Variants in GPHN observed in about 807,000 individuals in gnomAD.
GPHN encodes the protein gephyrin.
In GPHN, 17 loss-of-function variants were observed where a neutral mutation model predicts 95.5. The observed-to-expected ratio is 0.18, with a 90% CI of 0.12 to 0.27. The LOEUF is 0.27. Among genes scored for constraint, GPHN ranks in the 10% least tolerant of loss-of-function variants. GPHN has a pLI of 1.00. For missense variants in GPHN, 660 were observed against 978.1 expected (o/e 0.67, Z 4.34); for synonymous variants, 320 against 322.5 (o/e 0.99, Z 0.08).
chr14:67,200,769 AT>A, the GPHN span, among the ~76,000 whole-genome samples: 1 of 152,006 alleles, frequency 6.6e-6, no homozygotes, highest in Non-Finnish European at 1.5e-5. Context: ...TAATGTTTTC[AT>A]TTTTTCACCT....
At chr14:67,264,309 A>T in the GPHN span, among the ~76,000 whole-genome samples, 2 of 152,222 alleles carry the variant, frequency 1.3e-5, no homozygotes, top group African/African-American at 4.8e-5. Flanking sequence ...AGTGTTGAGT[A>T]CATAGTGAGA....
intron 1 of GPHN, among the ~76,000 whole-genome samples, chr14:66,547,965 G>A (rs2059661337): frequency 6.6e-6 from 1 of 152,008 alleles, no homozygotes; most frequent in Admixed American, 6.6e-5. Flanking sequence ...CTTTGTTTTA[G>A]TTCACCTCAT....
the GPHN span, chr14:67,412,127 C>T: frequency 7.5e-7 from 1 of 1,334,458 alleles, no homozygotes; most frequent in African/African-American, 1.5e-5. Flanking sequence ...TCGGCACCCG[C>T]GCAGCCCGCG....
intron 2 of GPHN, among the ~76,000 whole-genome samples, chr14:66,711,905 G>A (rs1307166118): frequency 6.6e-6 from 1 of 152,040 alleles, no homozygotes; most frequent in African/African-American, 2.4e-5. Flanking sequence ...CCATGTCCCT[G>A]CAAAGGACAT....
At chr14:67,615,837 G>GCCTGTCCA in the GPHN span, 11 of 619,450 alleles carry the variant, frequency 1.8e-5, no homozygotes, top group Non-Finnish European at 3.3e-5. Flanking sequence ...GAACATTCTG[G>GCCTGTCCA]CCTGTCCATT....
the GPHN span, chr14:67,353,062 T>C: frequency 6.4e-7 from 1 of 1,551,480 alleles, no homozygotes; most frequent in Non-Finnish European, 8.8e-7. Context: ...TAAACAAAGT[T>C]AAGACATCTA....
intron 2 of GPHN, among the ~76,000 whole-genome samples, chr14:66,750,939 G>T (rs1362110408): frequency 6.6e-6 from 1 of 151,838 alleles, no homozygotes. Flanking sequence ...TTCTAATTTT[G>T]TTGGGCTTGG....
intron 1 of GPHN, among the ~76,000 whole-genome samples, chr14:66,674,972 A>G (rs543131624): frequency 6.6e-6 from 1 of 152,268 alleles, no homozygotes; most frequent in South Asian, 2.1e-4. Flanking sequence ...CGTCGTCACC[A>G]GCATATGTTA....
intron 1 of GPHN, among the ~76,000 whole-genome samples, chr14:66,644,805 C>G (rs1188339496): frequency 6.6e-6 from 1 of 152,066 alleles, no homozygotes; most frequent in Non-Finnish European, 1.5e-5. Flanking sequence ...AATTCAGTCA[C>G]TAACTAAACA....
chr14:67,301,596 A>G, the GPHN span: 1 of 512,470 alleles, frequency 2.0e-6, no homozygotes, highest in Non-Finnish European at 3.3e-6. Context: ...AACCCCATCT[A>G]TAACATAGTA....
the GPHN span, among the ~76,000 whole-genome samples, chr14:67,319,628 A>T: frequency 6.6e-6 from 1 of 151,540 alleles, no homozygotes; most frequent in Non-Finnish European, 1.5e-5. Flanking sequence ...AAAAAAAAAA[A>T]ATTGCAAAAC....
intron 2 of GPHN, among the ~76,000 whole-genome samples, chr14:66,698,115 T>C (rs2068237248): frequency 6.6e-6 from 1 of 152,206 alleles, no homozygotes; most frequent in Admixed American, 6.5e-5. Context: ...CAAATAGTTA[T>C]TTAAATAATA....
intron 1 of GPHN, among the ~76,000 whole-genome samples, chr14:66,628,790 T>A (rs2063618745): frequency 6.6e-6 from 1 of 151,998 alleles, no homozygotes; most frequent in Admixed American, 6.6e-5. Context: ...GGCAGGCATG[T>A]GGCTCACAGC....
At chr14:66,970,085 GTTTTT>G (rs76967963) in intron 9 of GPHN, among the ~76,000 whole-genome samples, 2 of 99,038 alleles carry the variant, frequency 2.0e-5, no homozygotes, top group Non-Finnish European at 2.2e-5. Context: ...AGCAAGTTGT[GTTTTT>G]TTTTTTTTTT....
chr14:67,224,636 TA>T, the GPHN span: 1 of 305,470 alleles, frequency 3.3e-6, no homozygotes, highest in Non-Finnish European at 6.4e-6. Flanking sequence ...TTTTTTTTTT[TA>T]CAGTGAGCCC....
chr14:66,802,851 T>A lies in GPHN; in HGVS notation c.202-21623T>A, dbSNP rs117494703. On this transcript the variant is annotated intron_variant, in intron 3 of 22. Transcript: ENST00000478722. The stretch of plus-strand genomic sequence containing the variant: ...CTCCAAGACAAAGTCGTCCTCACAC[T>A]TTGTCTCCTCTCCTCAAGTGGATGG... Among the ~76,000 whole-genome samples the A allele has an allele frequency of 1.4e-4, 22 of 152,172 alleles. No homozygotes were observed. The East Asian group carries it at 4.3e-3, about 30-fold the overall frequency.
At chr14:67,233,294 A>G in the GPHN span, among the ~76,000 whole-genome samples, 13,594 of 152,098 alleles carry the variant, frequency 0.089, 1,517 homozygotes, top group African/African-American at 0.26. Context: ...GGCATGTGCC[A>G]CCACGCCCGG....
the GPHN span, among the ~76,000 whole-genome samples, chr14:67,523,185 T>A: frequency 1.3e-5 from 2 of 151,828 alleles, no homozygotes; most frequent in African/African-American, 4.8e-5. Context: ...TAGCTGGGTG[T>A]GGTGGCAGAA....
the GPHN span, among the ~76,000 whole-genome samples, chr14:67,220,799 T>C: frequency 6.6e-6 from 1 of 152,244 alleles, no homozygotes; most frequent in Non-Finnish European, 1.5e-5. Flanking sequence ...ATAAAGACTA[T>C]ATGAATATTT....
Sources: gnomAD v4.1 joint callset for allele counts (sites outside exome capture counted in the v4.1 genomes callset) on GRCh38, gnomAD v4.1.1 for gene constraint, MANE v1.5 for transcripts, NCBI Gene and HGNC (gene_info 2026-07-23, HGNC 2026-07-21) for gene names.